The following ZC3H3 variants were observed in gnomAD, a reference collection of about 807,000 sequenced individuals.
ZC3H3 encodes zinc finger CCCH domain-containing protein 3.
A neutral mutation model predicts 77.3 loss-of-function variants in ZC3H3; 36 were observed. The observed-to-expected ratio is 0.47, with a 90% CI of 0.36 to 0.61. The LOEUF (loss-of-function observed/expected upper bound fraction) is 0.61. Among genes scored for constraint, ZC3H3 ranks in the 20% least tolerant of loss-of-function variants. The pLI, the probability that ZC3H3 is intolerant of heterozygous loss-of-function variation, is 0.00. For synonymous variants in ZC3H3, 626 were observed against 555.2 expected (o/e 1.13, Z -1.79); for missense variants, 1,331 against 1,312.2 (o/e 1.01, Z -0.22).
At chr8:143,537,328 CA>C (rs1822833698) in intron 2 of ZC3H3, among the ~76,000 whole-genome samples, 2 of 152,204 alleles carry the variant, frequency 1.3e-5, no homozygotes, top group Non-Finnish European at 2.9e-5. Context: ...AGGCCAACTG[CA>C]GCCTCAACAC....
At chr8:143,497,807 C>T (rs1196189819) in intron 4 of ZC3H3, among the ~76,000 whole-genome samples, 1 of 152,232 alleles carries the variant, frequency 6.6e-6, no homozygotes, top group Admixed American at 6.5e-5. Flanking sequence ...CGTGTGTTAT[C>T]TGGGCCGCCA....
intron 4 of ZC3H3, among the ~76,000 whole-genome samples, chr8:143,477,081 G>T (rs756548707): frequency 6.6e-6 from 1 of 152,100 alleles, no homozygotes; most frequent in Non-Finnish European, 1.5e-5. Flanking sequence ...GGGTTCCACC[G>T]CCATCCCCAC....
rs1407439005 is a variant in ZC3H3, at chr8:143,533,901, C to T, written c.1561+2356G>A. Among the ~76,000 whole-genome samples, 1 of 152,060 alleles carries T rather than the reference C, an allele frequency of 6.6e-6. No individual in the cohort carries two copies. The highest frequency in any genetic ancestry group is 1.5e-5 in the Non-Finnish European group (1 of 67,988). On this transcript the variant is annotated intron_variant, in intron 3 of 11. Transcript: ENST00000262577. This position sits in a 1 kb window ranked among gnomAD's most constrained non-coding sequence, Gnocchi z 4.0. Reference sequence around the variant, plus strand: ...ATGTTGCCAAGGCTGGTCTTGAACTCCTGACCTCAGGTGATCCACCCGCCT... The same window carrying T: ...ATGTTGCCAAGGCTGGTCTTGAACTTCTGACCTCAGGTGATCCACCCGCCT...
chr8:143,441,926 G>T (rs59509197), intron 9 of ZC3H3, among the ~76,000 whole-genome samples: 1,766 of 152,316 alleles, frequency 0.012, 40 homozygotes, highest in African/African-American at 0.04. Context: ...TGCTCTTCAT[G>T]GGACTAAGCG....
At chr8:143,449,330 A>G (rs1409110576) in intron 9 of ZC3H3, among the ~76,000 whole-genome samples, 11 of 152,230 alleles carry the variant, frequency 7.2e-5, no homozygotes, top group Admixed American at 2.0e-4. Context: ...CCTTTTAAAT[A>G]TAAGTTCCAG....
At chr8:143,469,386 C>A (rs1006187300) in intron 5 of ZC3H3, among the ~76,000 whole-genome samples, 1 of 152,214 alleles carries the variant, frequency 6.6e-6, no homozygotes, top group Admixed American at 6.5e-5. Context: ...GCCCGCTTGG[C>A]GGAGGCATCT....
In ZC3H3 at chr8:143,462,215, C is replaced by T. The variant is rs1275589206; in HGVS notation, c.2307+3502G>A. Among the ~76,000 whole-genome samples, 1 of 152,098 alleles carries T rather than the reference C, an allele frequency of 6.6e-6. No homozygotes were observed. The highest frequency in any genetic ancestry group is 1.9e-4 in the East Asian group (1 of 5,180). On this transcript the variant is annotated intron_variant, in intron 9 of 11. Coordinates refer to ENST00000262577, the MANE Select transcript of ZC3H3 (RefSeq NM_015117.3). The surrounding 1 kb of genome is among the most constrained non-coding windows in gnomAD (Gnocchi z 4.7). ...CACGACCCTCTGAGATAGGCAGTGC[C>T]GTTATCCCGACTGTATATAAAAGGA...
intron 3 of ZC3H3, among the ~76,000 whole-genome samples, chr8:143,519,960 C>T (rs533244675): frequency 1.3e-5 from 2 of 152,310 alleles, no homozygotes; most frequent in African/African-American, 2.4e-5. Context: ...ACGCAAACCA[C>T]CCCCCAGCCT....
chr8:143,459,617 C>T (rs1400798562), intron 9 of ZC3H3, among the ~76,000 whole-genome samples: 1 of 152,104 alleles, frequency 6.6e-6, no homozygotes, highest in Non-Finnish European at 1.5e-5. Context: ...TGGTTTCATA[C>T]ACAAAAATCA....
rs180737806 is a variant in ZC3H3 at position 143,471,396 on chromosome 8, C to T, written c.1904-2737G>A. 9.1e-3 allele frequency among the ~76,000 whole-genome samples: 1,383 copies of T among 152,302 alleles called. 9 individuals carry two copies. The highest frequency in any genetic ancestry group is 0.013 in the Non-Finnish European group (886 of 68,000). On this transcript the variant is annotated intron_variant, in intron 5 of 11. Coordinates refer to ENST00000262577, the MANE Select transcript of ZC3H3 (RefSeq NM_015117.3). The stretch of plus-strand genomic sequence containing the variant: ...GTGGGCAGGTGACCAGCAGGGGAGG[C>T]GCAGAGGCCGGACGTGCCAGGAACA...
chr8:143,539,643 G>A (rs2130529532), intron 1 of ZC3H3, among the ~76,000 whole-genome samples: 1 of 152,318 alleles, frequency 6.6e-6, no homozygotes, highest in East Asian at 1.9e-4. Context: ...GCTGAGACGT[G>A]TCACTCAGTC....
intron 3 of ZC3H3, among the ~76,000 whole-genome samples, chr8:143,532,882 T>A (rs533766273): frequency 6.6e-6 from 1 of 152,270 alleles, no homozygotes; most frequent in East Asian, 1.9e-4. Context: ...AGTCTCACGG[T>A]GGCTGTCTCT....
Position 143,443,995 on chromosome 8 carries a change from G to A in ZC3H3, c.2308-2875C>T, listed in dbSNP as rs1360837944. Among the ~76,000 whole-genome samples the A allele has an allele frequency of 4.9e-5, 7 of 141,528 alleles. No individual in the cohort carries two copies. In the Admixed American group the frequency reaches 5.1e-4, roughly 10 times the overall value. The allele number at this position is 141,528 out of a possible 152,430, so 92.8% of individuals were successfully genotyped here. On this transcript the variant is annotated intron_variant, in intron 9 of 11. Coordinates refer to ENST00000262577, the MANE Select transcript of ZC3H3 (RefSeq NM_015117.3). The stretch of plus-strand genomic sequence containing the variant: ...TTTCCTTTTTTTTTTTTTTTTCTGA[G>A]ACAGAGTCTTGCTCTGTTGCCCAGG...
chr8:143,496,219 C>T (rs1821347328), intron 4 of ZC3H3, among the ~76,000 whole-genome samples: 1 of 152,190 alleles, frequency 6.6e-6, no homozygotes, highest in African/African-American at 2.4e-5. Context: ...AGCAGACACT[C>T]AACGCCCTTG....
chr8:143,475,660 G>C (rs936692420), intron 4 of ZC3H3, 75 bp from the exon 5 acceptor site: 1 of 1,463,768 alleles, frequency 6.8e-7, no homozygotes, highest in South Asian at 1.4e-5. Context: ...GCCAGGGGCC[G>C]AGCCCAGGCC....
intron 4 of ZC3H3, among the ~76,000 whole-genome samples, chr8:143,491,534 C>T (rs900322755): frequency 2.6e-5 from 4 of 152,268 alleles, no homozygotes; most frequent in Non-Finnish European, 5.9e-5. Flanking sequence ...TTGAGCCCCA[C>T]GGCTGGAGAC....
intron 9 of ZC3H3, among the ~76,000 whole-genome samples, chr8:143,446,012 C>A (rs1295925741): frequency 6.6e-6 from 1 of 152,108 alleles, no homozygotes; most frequent in Non-Finnish European, 1.5e-5. Context: ...ACAAACTGAC[C>A]AATGAACAAA....
intron 3 of ZC3H3, among the ~76,000 whole-genome samples, chr8:143,526,504 A>C (rs1271654883): frequency 1.3e-5 from 2 of 152,124 alleles, no homozygotes; most frequent in African/African-American, 4.8e-5. Context: ...GTGCAGGGGG[A>C]AACAACCAGT....
rs765160442 is a variant in ZC3H3, at chr8:143,538,891, G to A, written c.476C>T (p.Pro159Leu). ...AGGGGGCTCACCTTCACCTTCCCGG[G>A]GCCTTTGGTCACTCCAGGGGGTTTC... ...FEETPWSDQR[P>L]REGEGEPPRG... The change falls in exon 2 of 12, where the codon CCC becomes CTC. Residue 159 changes from proline to leucine, a missense_variant. By Grantham distance (98) the Pro-to-Leu change is moderately conservative. Coordinates refer to ENST00000262577, the MANE Select transcript of ZC3H3 (RefSeq NM_015117.3). 121 of 1,612,720 alleles carry A rather than the reference G, an allele frequency of 7.5e-5. No homozygotes were observed. Among genetic ancestry groups the A allele is most frequent in the Non-Finnish European group, 9.5e-5 (112 of 1,179,954 alleles).
Sources: gnomAD v4.1 joint callset for allele counts (sites outside exome capture counted in the v4.1 genomes callset) on GRCh38, gnomAD v4.1.1 for gene constraint, Gnocchi (gnomAD v3.1) non-coding constraint, MANE v1.5 for transcripts, NCBI Gene and HGNC (gene_info 2026-07-23, HGNC 2026-07-21) for gene names.